Variants in PDK3 observed in about 807,000 individuals in gnomAD.
The protein encoded by PDK3 is pyruvate dehydrogenase kinase, isozyme 3.
Under a neutral mutation model 32.0 loss-of-function variants are expected in PDK3, and 12 were observed. The observed-to-expected ratio is 0.37, with a 90% CI of 0.24 to 0.61. The LOEUF is 0.61. PDK3 is among the 20% of genes least tolerant of loss of function. The pLI is 0.65. For missense variants in PDK3, 188 were observed against 316.9 expected (o/e 0.59, Z 3.09); for synonymous variants, 122 against 116.3 (o/e 1.05, Z -0.31).
intron 5 of PDK3, among the ~76,000 whole-genome samples, chrX:24,509,376 T>C (rs977582103): frequency 4.5e-5 from 5 of 111,443 alleles, no homozygotes; most frequent in African/African-American, 1.6e-4. Context: ...TTCCCTTACT[T>C]AATCATTCCT....
intron 5 of PDK3, among the ~76,000 whole-genome samples, chrX:24,505,804 G>T (rs1260483517): frequency 2.7e-5 from 3 of 111,448 alleles, no homozygotes; most frequent in Admixed American, 9.5e-5. Flanking sequence ...GTAAGTCCCT[G>T]GTACCCAGGC....
chrX:24,491,858 C>T (rs1268252446), intron 1 of PDK3, among the ~76,000 whole-genome samples: 1 of 110,835 alleles, frequency 9.0e-6, no homozygotes, highest in Non-Finnish European at 1.9e-5. Context: ...ATCACTTGAG[C>T]CCAGGAGGTT....
At chrX:24,533,512 T>C (rs1922704589) in intron 10 of PDK3, among the ~76,000 whole-genome samples, 1 of 111,808 alleles carries the variant, frequency 8.9e-6, no homozygotes, top group East Asian at 2.8e-4. Context: ...TGGGAGTATT[T>C]ATCTTAGATG....
intron 1 of PDK3, among the ~76,000 whole-genome samples, chrX:24,477,175 T>C (rs1921134044): frequency 8.9e-6 from 1 of 112,139 alleles, no homozygotes; most frequent in African/African-American, 3.2e-5. Flanking sequence ...TATCCAGGGC[T>C]GTCAGCAAAG....
In PDK3 at chrX:24,473,989, A is replaced by T. The variant is rs377425582; in HGVS notation, c.106+8428A>T. On this transcript the variant is annotated intron_variant, in intron 1 of 10. Coordinates refer to ENST00000379162, the MANE Select transcript of PDK3 (RefSeq NM_005391.5). Reference sequence around the variant, plus strand: ...AAAGATAGAACCTTCTGAATGTTGAATGAGTTGGTAGGAAATGATTCACAT... The same window carrying T: ...AAAGATAGAACCTTCTGAATGTTGATTGAGTTGGTAGGAAATGATTCACAT... Among the ~76,000 whole-genome samples, 26 of 112,135 alleles carry T rather than the reference A, an allele frequency of 2.3e-4. 1 individual carries two copies. The South Asian group carries it at 9.1e-3, about 39-fold the overall frequency.
chrX:24,501,636 C>T (rs985004924), intron 3 of PDK3, among the ~76,000 whole-genome samples: 2 of 112,361 alleles, frequency 1.8e-5, no homozygotes, highest in African/African-American at 6.5e-5. Flanking sequence ...TGCCTAAACG[C>T]GGGAGGCAGA....
At chrX:24,538,951 T>G (rs944017266), downstream of PDK3, among the ~76,000 whole-genome samples, 1 of 111,854 alleles carries the variant, frequency 8.9e-6, no homozygotes, top group South Asian at 3.7e-4. Context: ...AAGAACCGTT[T>G]TAAAGTATAT....
exon 12 of PDK3, chrX:24,546,779 G>A (rs1322074011): frequency 8.9e-6 from 1 of 111,995 alleles, no homozygotes; most frequent in Non-Finnish European, 1.9e-5. Context: ...AAGATGGGAT[G>A]TGTTTAATTA....
At chrX:24,502,924 A>G (rs767481279) in intron 3 of PDK3, among the ~76,000 whole-genome samples, 1 of 112,348 alleles carries the variant, frequency 8.9e-6, no homozygotes, top group South Asian at 3.7e-4. Flanking sequence ...GATTGCTTTA[A>G]TCAGTCCTTG....
chrX:24,545,858 A>G (rs1313829855), exon 12 of PDK3: 2 of 111,812 alleles, frequency 1.8e-5, no homozygotes, highest in Non-Finnish European at 3.8e-5. Flanking sequence ...ATTAGGGGAG[A>G]CAGACTAGAA....
chrX:24,524,527 A>G (rs1419451514), intron 6 of PDK3, among the ~76,000 whole-genome samples: 2 of 112,164 alleles, frequency 1.8e-5, no homozygotes, highest in Non-Finnish European at 3.8e-5. Context: ...CCTCCAAGGG[A>G]CACATGAATC....
intron 3 of PDK3, 141 bp from the exon 4 acceptor site, chrX:24,503,186 T>G (rs1921903539): frequency 5.8e-6 from 2 of 342,897 alleles, no homozygotes; most frequent in Admixed American, 6.0e-5. Context: ...TTGTGGGTGG[T>G]TCCTTGTTCT....
At chrX:24,537,671 C>T (rs1922810168), downstream of PDK3, among the ~76,000 whole-genome samples, 1 of 111,542 alleles carries the variant, frequency 9.0e-6, no homozygotes, top group South Asian at 3.7e-4. Flanking sequence ...TTTTTAACAT[C>T]TTTAACACAA....
chrX:24,542,232 T>C (rs1443866759), exon 12 of PDK3, among the ~76,000 whole-genome samples: 1 of 112,399 alleles, frequency 8.9e-6, no homozygotes, highest in Non-Finnish European at 1.9e-5. Flanking sequence ...CCTTTTTTTG[T>C]CTCTGAATAT....
downstream of PDK3, among the ~76,000 whole-genome samples, chrX:24,537,882 A>C (rs1389316030): frequency 8.9e-6 from 1 of 112,468 alleles, no homozygotes. Flanking sequence ...AGTTTAGAGA[A>C]GTTTGGTTTG....
intron 5 of PDK3, 100 bp downstream of exon 5, chrX:24,505,398 G>T: frequency 1.9e-6 from 1 of 539,211 alleles, no homozygotes; most frequent in Non-Finnish European, 3.1e-6. Flanking sequence ...GCAGTCTGCT[G>T]ATTCATCAGG....
chrX:24,476,669 C>T (rs1461602224), intron 1 of PDK3, among the ~76,000 whole-genome samples: 1 of 111,989 alleles, frequency 8.9e-6, no homozygotes, highest in Non-Finnish European at 1.9e-5. Flanking sequence ...ATTGATGAAC[C>T]AGCATTGACC....
rs749744660 is a variant in PDK3, at chrX:24,518,665, T to TA, written c.596-267dup. On this transcript the variant is annotated intron_variant, in intron 5 of 10. Transcript: ENST00000379162. ...CACCACTGTACTCTAGCCTAGGCGA[T>TA]AGAGTGAGACGCTGTCTTGGAAAAA... 2.1e-3 allele frequency among the ~76,000 whole-genome samples: 233 copies of TA among 112,114 alleles called. 4 individuals carry two copies. In the Admixed American group the frequency reaches 0.022, roughly 11 times the overall value.
intron 1 of PDK3, among the ~76,000 whole-genome samples, chrX:24,485,211 G>A (rs1277555718): frequency 5.4e-5 from 6 of 110,957 alleles, no homozygotes; most frequent in Non-Finnish European, 9.4e-5. Flanking sequence ...AGCCAGGCGC[G>A]GTGGTGCACA....
Sources: allele counts gnomAD v4.1 joint callset (sites outside exome capture counted in the v4.1 genomes callset), GRCh38; gene constraint gnomAD v4.1.1; transcripts MANE v1.5; gene names NCBI Gene and HGNC (gene_info 2026-07-23, HGNC 2026-07-21).